Variants in UNC5D observed in about 807,000 individuals in gnomAD.
UNC5D encodes the protein unc-5 netrin receptor D, also known as netrin receptor UNC5D.
Under a neutral mutation model 105.4 loss-of-function variants are expected in UNC5D, and 39 were observed. The observed-to-expected ratio is 0.37, with a 90% confidence interval of 0.29 to 0.48. The LOEUF (loss-of-function observed/expected upper bound fraction) is 0.48, where lower values mean the gene tolerates loss of function less well. UNC5D is among the 20% of genes least tolerant of loss of function. UNC5D has a pLI of 0.98. For missense variants in UNC5D, 991 were observed against 1,202.4 expected, an observed-to-expected ratio of 0.82 and a Z score of 2.60; for synonymous variants, 452 against 450.4, an observed-to-expected ratio of 1.00 and a Z score of -0.04.
intron 3 of UNC5D, among the ~76,000 whole-genome samples, chr8:35,587,964 T>TAA: frequency 3.1e-5 from 1 of 32,490 alleles, no homozygotes; most frequent in Admixed American, 6.6e-4. Flanking sequence ...ATAACTATAA[T>TAA]AATATATATA....
intron 1 of UNC5D, among the ~76,000 whole-genome samples, chr8:35,301,827 C>A (rs1447208614): frequency 6.6e-6 from 1 of 151,766 alleles, no homozygotes; most frequent in East Asian, 1.9e-4. Flanking sequence ...TTTGTTTTCA[C>A]GGAATTTGAT....
chr8:35,537,082 A>C (rs1346995988), intron 1 of UNC5D, among the ~76,000 whole-genome samples: 2 of 152,208 alleles, frequency 1.3e-5, no homozygotes, highest in African/African-American at 4.8e-5. Context: ...AAATATATAC[A>C]TTCAAATTAT....
chr8:35,692,492 G>C (rs1826475795), intron 7 of UNC5D, among the ~76,000 whole-genome samples: 1 of 152,124 alleles, frequency 6.6e-6, no homozygotes, highest in Non-Finnish European at 1.5e-5. Flanking sequence ...ACTTATTTCT[G>C]TACTAGTGGT....
chr8:35,334,554 C>T (rs1424272882), intron 1 of UNC5D, among the ~76,000 whole-genome samples: 3 of 151,386 alleles, frequency 2.0e-5, no homozygotes, highest in African/African-American at 4.9e-5. Flanking sequence ...CTCTTGTTGC[C>T]CAGGCTGGGG....
At chr8:35,610,696 AT>A (rs1335700893) in intron 4 of UNC5D, among the ~76,000 whole-genome samples, 1 of 152,080 alleles carries the variant, frequency 6.6e-6, no homozygotes, top group Non-Finnish European at 1.5e-5. Context: ...CCTCATTATG[AT>A]TTTCTCTACA....
At chr8:35,347,389 C>T (rs1282786486) in intron 1 of UNC5D, among the ~76,000 whole-genome samples, 1 of 151,982 alleles carries the variant, frequency 6.6e-6, no homozygotes, top group East Asian at 1.9e-4. Context: ...GAACACATGG[C>T]ATTCACCCTT....
chr8:35,442,954 T>A (rs572393968), intron 1 of UNC5D, among the ~76,000 whole-genome samples: 1 of 150,130 alleles, frequency 6.7e-6, no homozygotes, highest in South Asian at 2.1e-4. Flanking sequence ...CACACCACTG[T>A]GCTTAAGTAT....
At chr8:35,247,421 A>C (rs906176212) in intron 1 of UNC5D, among the ~76,000 whole-genome samples, 2 of 146,322 alleles carry the variant, frequency 1.4e-5, no homozygotes, top group African/African-American at 5.1e-5. Context: ...CTTAAGTCTT[A>C]ATCTTAAGCT....
intron 1 of UNC5D, among the ~76,000 whole-genome samples, chr8:35,413,292 T>TGTGTGTGGTGTG (rs56157732): frequency 7.8e-6 from 1 of 127,978 alleles, no homozygotes; most frequent in Non-Finnish European, 1.6e-5. Context: ...TGTGTGTGTG[T>TGTGTGTGGTGTG]TGTGTGTGTG....
intron 16 of UNC5D, among the ~76,000 whole-genome samples, chr8:35,777,223 C>T (rs1186966607): frequency 4.6e-5 from 7 of 152,178 alleles, no homozygotes; most frequent in Admixed American, 3.3e-4. Flanking sequence ...CACTGCGCTC[C>T]AGCCTGGGCA....
intron 1 of UNC5D, among the ~76,000 whole-genome samples, chr8:35,245,592 T>C (rs1338058372): frequency 6.6e-6 from 1 of 152,150 alleles, no homozygotes; most frequent in East Asian, 1.9e-4. Flanking sequence ...ACAGGTTTGT[T>C]ATTAATTTTA....
At chr8:35,479,383 C>T (rs1810325956) in intron 1 of UNC5D, among the ~76,000 whole-genome samples, 1 of 152,140 alleles carries the variant, frequency 6.6e-6, no homozygotes, top group South Asian at 2.1e-4. Flanking sequence ...ACAAAATGTA[C>T]TCTATATAAA....
At chr8:35,426,304 T>C (rs563139491) in intron 1 of UNC5D, among the ~76,000 whole-genome samples, 3 of 152,298 alleles carry the variant, frequency 2.0e-5, no homozygotes, top group South Asian at 2.1e-4. Flanking sequence ...CATAGACTAT[T>C]CCTTAAATAT....
intron 1 of UNC5D, among the ~76,000 whole-genome samples, chr8:35,526,934 T>C (rs1003711429): frequency 1.3e-5 from 2 of 152,214 alleles, no homozygotes; most frequent in African/African-American, 2.4e-5. Flanking sequence ...AATGTGTAAA[T>C]GACTGTTTGT....
intron 1 of UNC5D, chr8:35,255,617 G>T (rs1037056478): frequency 2.0e-5 from 3 of 152,056 alleles, no homozygotes; most frequent in African/African-American, 7.2e-5. Flanking sequence ...ATCAGATCTT[G>T]GCTAATATGA....
chr8:35,557,530 T>G (rs1332819129), intron 2 of UNC5D, among the ~76,000 whole-genome samples: 1 of 152,206 alleles, frequency 6.6e-6, no homozygotes, highest in Non-Finnish European at 1.5e-5. Context: ...TTTCTGTATT[T>G]AATTTACTAC....
At chr8:35,753,324 A>T (rs2131653171) in intron 13 of UNC5D, among the ~76,000 whole-genome samples, 1 of 152,162 alleles carries the variant, frequency 6.6e-6, no homozygotes, top group African/African-American at 2.4e-5. Flanking sequence ...GCTGGAGTGC[A>T]GTGGCGTGAT....
In UNC5D at chr8:35,615,050, GT is replaced by G. The variant is rs1820944174; in HGVS notation, c.570+19394del. On this transcript the variant is annotated intron_variant, in intron 4 of 16. Transcript: ENST00000404895. ...CATAGTGAGGGGCCCCCCCCCCCCC[GT>G]CCCCCACCCCCCGATCTCCACAAAA... Among the ~76,000 whole-genome samples, 32 of 17,346 alleles carry G rather than the reference GT, an allele frequency of 1.8e-3. 2 individuals carry two copies. The South Asian group carries it at 0.02, about 11-fold the overall frequency. The allele number at this position is 17,346 out of a possible 152,430, so 11.4% of individuals were successfully genotyped here. A position where few individuals can be genotyped will look rare whatever the true frequency, so the allele number is the denominator to read the frequency against.
chr8:35,684,380 C>G (rs1825870347), intron 5 of UNC5D, among the ~76,000 whole-genome samples: 1 of 152,162 alleles, frequency 6.6e-6, no homozygotes, highest in Admixed American at 6.5e-5. Context: ...CTGTGTCCCT[C>G]CTATTTCAGA....
Sources: gnomAD v4.1 joint callset for allele counts (sites outside exome capture counted in the v4.1 genomes callset) on GRCh38, gnomAD v4.1.1 for gene constraint, MANE v1.5 for transcripts, NCBI Gene and HGNC (gene_info 2026-07-23, HGNC 2026-07-21) for gene names.